Variants in ARHGEF11 observed in about 807,000 individuals in gnomAD.
ARHGEF11 encodes Rho guanine nucleotide exchange factor 11, also known as Rho guanine exchange factor (GEF) 11.
Under a neutral mutation model 193.7 loss-of-function variants are expected in ARHGEF11, and 55 were observed. That is an observed-to-expected ratio of 0.28 (90% CI 0.23 to 0.36). The LOEUF (loss-of-function observed/expected upper bound fraction) is 0.36, where lower values mean the gene tolerates loss of function less well. Ranked by LOEUF, ARHGEF11 falls within the 10% of genes least tolerant of loss-of-function variation. The pLI is 1.00. For missense variants in ARHGEF11, 1,723 were observed against 2,005.6 expected, an observed-to-expected ratio of 0.86 and a Z score of 2.69; for synonymous variants, 693 against 768.0, an observed-to-expected ratio of 0.90 and a Z score of 1.62.
chr1:156,994,744 T>C (rs1666243548), intron 1 of ARHGEF11, among the ~76,000 whole-genome samples: 1 of 152,200 alleles, frequency 6.6e-6, no homozygotes, highest in South Asian at 2.1e-4. Flanking sequence ...GTCAAAATAC[T>C]GGCACAAGCT....
intron 1 of ARHGEF11, among the ~76,000 whole-genome samples, chr1:157,013,300 C>CACACACACACA (rs1553228482): frequency 3.5e-4 from 47 of 133,878 alleles, no homozygotes; most frequent in South Asian, 1.8e-3. Context: ...CACACACACA[C>CACACACACACA]CAAGAACCTT....
chr1:157,036,026 T>C lies in ARHGEF11; in HGVS notation c.32+8273A>G, dbSNP rs1261359581. ...ATAGGAATATATATATGAATCTATA[T>C]ATAGGAATATATATATGAATCTATA... On this transcript the variant is annotated intron_variant, in intron 1 of 40. Coordinates refer to ENST00000368194, the MANE Select transcript of ARHGEF11 (RefSeq NM_198236.3). Among the ~76,000 whole-genome samples, 4 of 128,832 alleles carry C rather than the reference T, an allele frequency of 3.1e-5. No individual in the cohort carries two copies. The Admixed American group carries it at 3.4e-4, about 11-fold the overall frequency. The allele number at this position is 128,832 out of a possible 152,430, so 84.5% of individuals were successfully genotyped here.
At chr1:156,999,708 G>A (rs1441329233) in intron 1 of ARHGEF11, among the ~76,000 whole-genome samples, 2 of 152,154 alleles carry the variant, frequency 1.3e-5, no homozygotes, top group East Asian at 1.9e-4. Context: ...CAAAGGAGAT[G>A]AGCAGAACCT....
intron 1 of ARHGEF11, among the ~76,000 whole-genome samples, chr1:157,009,648 C>T (rs985595162): frequency 2.6e-5 from 4 of 152,166 alleles, no homozygotes; most frequent in African/African-American, 9.7e-5. Flanking sequence ...GATTCTAAAC[C>T]TGACTCTGAA....
intron 18 of ARHGEF11, 51 bp from the exon 19 acceptor site, chr1:156,956,615 T>C (rs143690429): frequency 7.3e-5 from 117 of 1,608,124 alleles, no homozygotes; most frequent in Middle Eastern, 1.7e-4. Context: ...TTATCTTCCC[T>C]GTGCCAAACA....
intron 7 of ARHGEF11, among the ~76,000 whole-genome samples, chr1:156,973,565 C>T (rs1383907844): frequency 6.6e-6 from 1 of 152,138 alleles, no homozygotes; most frequent in African/African-American, 2.4e-5. Flanking sequence ...TAAGTTCAGC[C>T]CTGTTATCTC....
chr1:156,990,324 C>T (rs1486666196), intron 1 of ARHGEF11, among the ~76,000 whole-genome samples: 3 of 152,058 alleles, frequency 2.0e-5, no homozygotes, highest in Non-Finnish European at 4.4e-5. Flanking sequence ...GATAGCTTGC[C>T]CCATTTTGGT....
intron 1 of ARHGEF11, among the ~76,000 whole-genome samples, chr1:157,037,262 T>C (rs1246637371): frequency 6.6e-6 from 1 of 152,208 alleles, no homozygotes; most frequent in Non-Finnish European, 1.5e-5. Flanking sequence ...GCTCGTTATC[T>C]TTTCCTAAGA....
chr1:157,042,074 A>G (rs1234607239), intron 1 of ARHGEF11, among the ~76,000 whole-genome samples: 3 of 152,184 alleles, frequency 2.0e-5, no homozygotes, highest in Non-Finnish European at 4.4e-5. Context: ...ATAAGCCTAC[A>G]GTTAAGGGAG....
intron 1 of ARHGEF11, among the ~76,000 whole-genome samples, chr1:156,999,616 A>G (rs1666966522): frequency 6.6e-6 from 1 of 152,174 alleles, no homozygotes; most frequent in Admixed American, 6.5e-5. Context: ...ATGATCTAGA[A>G]GCAATTCTGT....
intron 1 of ARHGEF11, among the ~76,000 whole-genome samples, chr1:156,999,422 C>A (rs553943793): frequency 4.3e-4 from 65 of 152,144 alleles, no homozygotes; most frequent in African/African-American, 1.5e-3. Context: ...ATCTCACGTC[C>A]TTTCTTAATT....
At chr1:156,985,730 C>CTTTTTTT (rs56055266) in intron 2 of ARHGEF11, 1 of 138,234 alleles carries the variant, frequency 7.2e-6, no homozygotes. Flanking sequence ...AGCCATGTGC[C>CTTTTTTT]TTTTTTTTTT....
intron 22 of ARHGEF11, among the ~76,000 whole-genome samples, chr1:156,950,254 A>T (rs1273448600): frequency 6.6e-6 from 1 of 152,188 alleles, no homozygotes; most frequent in Non-Finnish European, 1.5e-5. Context: ...AACACGTGTT[A>T]AGCTGAAAAA....
intron 1 of ARHGEF11, among the ~76,000 whole-genome samples, chr1:157,021,759 G>A (rs948650504): frequency 5.3e-5 from 8 of 152,184 alleles, no homozygotes; most frequent in African/African-American, 1.9e-4. Context: ...ACATAGGGTT[G>A]TTTCAAGGAT....
chr1:156,947,269 C>T, intron 26 of ARHGEF11, 35 bp downstream of exon 26: 1 of 1,573,470 alleles, frequency 6.4e-7, no homozygotes, highest in Non-Finnish European at 8.6e-7. Context: ...TGAAGGGCAG[C>T]AGAAGAGGAG....
chr1:156,948,522 T>C lies in ARHGEF11; in HGVS notation c.1926-24A>G, dbSNP rs1218599183. On this transcript the variant is annotated intron_variant, in intron 22 of 40. Coordinates refer to ENST00000368194, the MANE Select transcript of ARHGEF11 (RefSeq NM_198236.3). The surrounding 1 kb of genome is among the most constrained non-coding windows in gnomAD (Gnocchi z 4.2). ...AACTGGGGGGAAGGGACAAAAGACT[T>C]TGGGACTTGGGAAGTCAGTGGGCCA... 3 of 1,614,088 alleles carry C rather than the reference T, an allele frequency of 1.9e-6. No individual in the cohort carries two copies. The highest frequency in any genetic ancestry group is 2.5e-6 in the Non-Finnish European group (3 of 1,179,994).
At chr1:156,942,548 C>G (rs1391273632) in intron 33 of ARHGEF11, 142 bp downstream of exon 33, 1 of 697,072 alleles carries the variant, frequency 1.4e-6, no homozygotes, top group Non-Finnish European at 2.4e-6. Flanking sequence ...CTACTTCTGT[C>G]CTACCTCCCA....
intron 1 of ARHGEF11, among the ~76,000 whole-genome samples, chr1:156,995,002 G>A (rs1666277057): frequency 6.9e-6 from 1 of 144,910 alleles, no homozygotes; most frequent in African/African-American, 2.6e-5. Context: ...CCAGAAATCT[G>A]AGATTATCTT....
At chr1:156,982,907 G>A (rs1243015065) in intron 3 of ARHGEF11, among the ~76,000 whole-genome samples, 1 of 152,184 alleles carries the variant, frequency 6.6e-6, no homozygotes, top group Non-Finnish European at 1.5e-5. Flanking sequence ...CCAAATATAA[G>A]AAGCCATACT....
Sources: allele counts gnomAD v4.1 joint callset (sites outside exome capture counted in the v4.1 genomes callset), GRCh38; gene constraint gnomAD v4.1.1; non-coding constraint Gnocchi (gnomAD v3.1); transcripts MANE v1.5; gene names NCBI Gene and HGNC (gene_info 2026-07-23, HGNC 2026-07-21).